SP140: variants seen among roughly 807,000 people sequenced by gnomAD.
The protein encoded by SP140 is SP140 nuclear body protein, also known as nuclear body protein SP140.
Under a neutral mutation model 125.0 loss-of-function variants are expected in SP140, and 81 were observed. The observed-to-expected ratio is 0.65, with a 90% CI of 0.54 to 0.78. The LOEUF (loss-of-function observed/expected upper bound fraction) is 0.78, where lower values mean the gene tolerates loss of function less well. SP140 is among the 30% of genes least tolerant of loss of function. SP140 has a pLI of 0.00. For missense variants in SP140, 858 were observed against 1,037.0 expected, an observed-to-expected ratio of 0.83 and a Z score of 2.37; for synonymous variants, 312 against 354.0, an observed-to-expected ratio of 0.88 and a Z score of 1.33.
intron 12 of SP140, among the ~76,000 whole-genome samples, chr2:230,268,259 C>T (rs941479945): frequency 6.6e-6 from 1 of 152,102 alleles, no homozygotes; most frequent in African/African-American, 2.4e-5. Flanking sequence ...TGTGGTGGCT[C>T]ATGCCTATAA....
In SP140 at chr2:230,292,663, A is replaced by G. The variant is rs1449929909; in HGVS notation, c.1843A>G (p.Ile615Val). The change falls in exon 20 of 27, where the codon ATA becomes GTA. Residue 615 changes from isoleucine (I) to valine (V), a missense_variant. Coordinates refer to ENST00000392045, the MANE Select transcript of SP140 (RefSeq NM_007237.5). Reference sequence around the variant, plus strand: ...TCTTACAGGAATCTTGGTGAAGTGTATACAGACTGAGGATGGAAAATGGTT... The same window carrying G: ...TCTTACAGGAATCTTGGTGAAGTGTGTACAGACTGAGGATGGAAAATGGTT... ...KLQQGILVKCIQTEDGKWFTP... is the reference protein window; with the variant it reads ...KLQQGILVKCVQTEDGKWFTP... 3 of 1,614,066 alleles carry G rather than the reference A, an allele frequency of 1.9e-6. No individual in the cohort carries two copies. The highest frequency in any genetic ancestry group is 2.2e-5 in the East Asian group (1 of 44,888).
chr2:230,204,913 G>A (rs1205677714), intron 1 of SP140, among the ~76,000 whole-genome samples: 1 of 152,182 alleles, frequency 6.6e-6, no homozygotes, highest in Non-Finnish European at 1.5e-5. Flanking sequence ...AAAGGGGAGA[G>A]AAATGAAATG....
chr2:230,307,978 TATATATATATATACACAC>T (rs1351111314), intron 22 of SP140, among the ~76,000 whole-genome samples: 5 of 94,552 alleles, frequency 5.3e-5, no homozygotes, highest in East Asian at 5.0e-4. Context: ...TATATATATA[TATATATATATATACACAC>T]ACACACACAC....
intron 1 of SP140, chr2:230,230,570 T>C (rs1371091455): frequency 6.6e-6 from 1 of 152,260 alleles, no homozygotes; most frequent in African/African-American, 2.4e-5. Context: ...TGTTTTAAAG[T>C]TAAACTATAA....
chr2:230,223,233 C>T (rs930775270), upstream of SP140, among the ~76,000 whole-genome samples: 1 of 152,078 alleles, frequency 6.6e-6, no homozygotes, highest in Non-Finnish European at 1.5e-5. Flanking sequence ...GATGGGGTTT[C>T]ACCATGTTGG....
chr2:230,300,607 C>T (rs1434603396), intron 22 of SP140, among the ~76,000 whole-genome samples: 3 of 152,164 alleles, frequency 2.0e-5, no homozygotes, highest in Non-Finnish European at 4.4e-5. Context: ...AGGGGGAGAA[C>T]ACCACATTAA....
the SP140 span, among the ~76,000 whole-genome samples, chr2:230,191,072 G>GT: frequency 2.2e-4 from 33 of 151,498 alleles, no homozygotes; most frequent in African/African-American, 4.4e-4. Flanking sequence ...ATTTAAAATA[G>GT]TTTTTTTTTC....
At chr2:230,223,290 C>T (rs2045974346), upstream of SP140, among the ~76,000 whole-genome samples, 1 of 152,196 alleles carries the variant, frequency 6.6e-6, no homozygotes, top group Admixed American at 6.5e-5. Context: ...CTGCCTCAGC[C>T]TCCCGAAGTG....
chr2:230,186,221 T>G, the SP140 span: 43 of 1,368,506 alleles, frequency 3.1e-5, no homozygotes, highest in African/African-American at 5.3e-4. Flanking sequence ...AGGAGTTATC[T>G]TGCCATTTCT....
chr2:230,316,532 C>A (rs1305476009), downstream of SP140, among the ~76,000 whole-genome samples: 1 of 152,220 alleles, frequency 6.6e-6, no homozygotes, highest in Non-Finnish European at 1.5e-5. Flanking sequence ...TAATAACATA[C>A]AATGGACATT....
rs904829610 is a variant in SP140, at chr2:230,290,588, T to C, written c.1825+24T>C. On this transcript the variant is annotated intron_variant, in intron 19 of 26. Transcript: ENST00000392045. ...AGGTAGGTTTTATGGTCTTCTTTAA[T>C]TTGCAGCTCCTATCTGAAGGCATCA... The C allele has an allele frequency of 3.2e-6, 5 of 1,555,842 alleles. No homozygotes were observed. In the African/African-American group the frequency reaches 6.8e-5, roughly 21 times the overall value.
rs375200435 is a variant in SP140 at position 230,288,513 on chromosome 2, CTTTCTT to C, written c.1720+549_1720+554del. 2.8e-5 allele frequency among the ~76,000 whole-genome samples: 3 copies of C among 107,580 alleles called. No homozygotes were observed. In the South Asian group the frequency reaches 1.0e-3, roughly 37 times the overall value. 70.6% of individuals were successfully genotyped at this position (107,580 alleles called of 152,430 possible). A position where few individuals can be genotyped will look rare whatever the true frequency, so the allele number is the denominator to read the frequency against. On this transcript the variant is annotated intron_variant, in intron 18 of 26. Coordinates refer to ENST00000392045, the MANE Select transcript of SP140 (RefSeq NM_007237.5). The stretch of plus-strand genomic sequence containing the variant: ...TCTTTCTTTCTTTCTTTCTTTCTTT[CTTTCTT>C]TCTTTTTTTATTCTTTAAGTTCTGA...
Position 230,253,337 on chromosome 2 carries a change from C to T in SP140, c.1079C>T (p.Thr360Ile). Residue 360 changes from threonine (T) to isoleucine (I), a missense_variant, in exon 11 of 27, where the codon ACC (threonine) becomes ATC (isoleucine). By Grantham distance (89) the Thr-to-Ile change is moderately conservative. Coordinates refer to ENST00000392045, the MANE Select transcript of SP140 (RefSeq NM_007237.5). ...TCAGTTTCTTGTTTATCTGCAGAGA[C>T]CTTTGATCTAAAGACTCCCCAAGTC... ...CGSVSCLSAE[T>I]FDLKTPQVTN... 1 of 1,611,890 alleles carries T rather than the reference C, an allele frequency of 6.2e-7. No homozygotes were observed. Among genetic ancestry groups the T allele is most frequent in the South Asian group, 1.1e-5 (1 of 91,026 alleles).
rs546938847 is a variant in SP140, at chr2:230,265,028, CT to C, written c.1241-4503del. On this transcript the variant is annotated intron_variant, in intron 12 of 26. Transcript: ENST00000392045. ...CGGTGATGGGCCAGCCCTAGAATTCCTAAGGTTATATGCCCTTTGTCTTCAG... is the reference window on the plus strand; with the variant it reads ...CGGTGATGGGCCAGCCCTAGAATTCCAAGGTTATATGCCCTTTGTCTTCAG... Among the ~76,000 whole-genome samples, 206 of 152,162 alleles carry C rather than the reference CT, an allele frequency of 1.4e-3. 1 individual carries two copies. The highest frequency in any genetic ancestry group is 2.4e-3 in the Non-Finnish European group (160 of 67,990).
chr2:230,255,446 C>T lies in SP140; in HGVS notation c.1160-6C>T. On this transcript the variant is annotated splice_region_variant and splice_polypyrimidine_tract_variant and intron_variant, in intron 11 of 26. Coordinates refer to ENST00000392045, the MANE Select transcript of SP140 (RefSeq NM_007237.5). Reference sequence around the variant, plus strand: ...GACCTCTGAGGGATTTCCTTCCTTTCTGCAGAGGGCAGTGATGACTGTTCG... The same window carrying T: ...GACCTCTGAGGGATTTCCTTCCTTTTTGCAGAGGGCAGTGATGACTGTTCG... 6 of 1,613,924 alleles carry T rather than the reference C, an allele frequency of 3.7e-6. No individual in the cohort carries two copies. Among genetic ancestry groups the T allele is most frequent in the Non-Finnish European group, 5.1e-6 (6 of 1,179,864 alleles).
chr2:230,315,619 T>C (rs1216235345), downstream of SP140, among the ~76,000 whole-genome samples: 1 of 152,052 alleles, frequency 6.6e-6, no homozygotes, highest in Non-Finnish European at 1.5e-5. Flanking sequence ...TCCTAAACTA[T>C]GAAATAACAA....
At chr2:230,218,399 T>C (rs1399651161) in intron 3 of SP140, among the ~76,000 whole-genome samples, 1 of 152,106 alleles carries the variant, frequency 6.6e-6, no homozygotes, top group Non-Finnish European at 1.5e-5. Context: ...AAAGATGCCA[T>C]TGAGAGTCTG....
In SP140 at chr2:230,211,396, A is replaced by G. The variant is rs1445786773; in HGVS notation, c.-322-2258A>G. ...GCAGGAGGAGAGCCCCCTCTCTAGAAGATCCGAATGGCTTTTCCTCTTAGT... is the reference window on the plus strand; with the variant it reads ...GCAGGAGGAGAGCCCCCTCTCTAGAGGATCCGAATGGCTTTTCCTCTTAGT... On this transcript the variant is annotated intron_variant, in intron 1 of 4. Coordinates refer to the SP140 transcript ENST00000456542. This position sits in a 1 kb window ranked among gnomAD's most constrained non-coding sequence, Gnocchi z 4.2. 44 of 945,822 alleles carry G rather than the reference A, an allele frequency of 4.7e-5. No individual in the cohort carries two copies. Among genetic ancestry groups the G allele is most frequent in the Non-Finnish European group, 7.0e-5 (40 of 571,642 alleles). 58.6% of individuals were successfully genotyped at this position (945,822 alleles called of 1,614,324 possible).
At chr2:230,243,313 C>A (rs1423212270) in intron 4 of SP140, among the ~76,000 whole-genome samples, 1 of 152,002 alleles carries the variant, frequency 6.6e-6, no homozygotes, top group Non-Finnish European at 1.5e-5. Flanking sequence ...GCTAGAAAGG[C>A]ACAATTGGGA....
Sources: gnomAD v4.1 joint callset for allele counts (sites outside exome capture counted in the v4.1 genomes callset) on GRCh38, gnomAD v4.1.1 for gene constraint, Gnocchi (gnomAD v3.1) non-coding constraint, MANE v1.5 for transcripts, NCBI Gene and HGNC (gene_info 2026-07-23, HGNC 2026-07-21) for gene names.